CSMD3: variants seen among roughly 807,000 people sequenced by gnomAD.
CSMD3 encodes CUB and Sushi multiple domains 3, also known as CUB and sushi domain-containing protein 3.
A neutral mutation model predicts 435.2 loss-of-function variants in CSMD3; 177 were observed. The ratio of observed to expected loss-of-function variants is 0.41; its 90% CI spans 0.36 to 0.46. The LOEUF (loss-of-function observed/expected upper bound fraction) is 0.46, where lower values mean the gene tolerates loss of function less well. CSMD3 is among the 20% of genes least tolerant of loss of function. CSMD3 has a pLI of 0.34. For missense variants in CSMD3, 4,265 were observed against 4,504.6 expected (o/e 0.95, Z 1.52); for synonymous variants, 1,656 against 1,520.5 (o/e 1.09, Z -2.07).
chr8:112,946,391 T>C (rs1367575128), intron 9 of CSMD3, among the ~76,000 whole-genome samples: 1 of 151,696 alleles, frequency 6.6e-6, no homozygotes, highest in Non-Finnish European at 1.5e-5. Flanking sequence ...ATGAAATTTG[T>C]TTGACTTTAA....
At position 112,241,575 on chromosome 8, in the gene CSMD3, C is replaced by T. The variant is rs190956984; in HGVS notation, c.10468+145G>A. On this transcript the variant is annotated intron_variant, in intron 66 of 70. Coordinates refer to ENST00000297405, the MANE Select transcript of CSMD3 (RefSeq NM_198123.2). The stretch of plus-strand genomic sequence containing the variant: ...TCACTGTATTACATTGCTTTAAATT[C>T]AACATCTTGTGAATTATCAAATTCA... 5 of 644,944 alleles carry T rather than the reference C, an allele frequency of 7.8e-6. No homozygotes were observed. In the East Asian group the frequency reaches 1.1e-4, roughly 14 times the overall value. The allele number at this position is 644,944 out of a possible 1,614,324, so 40.0% of individuals were successfully genotyped here.
intron 23 of CSMD3, among the ~76,000 whole-genome samples, chr8:112,577,742 T>C (rs1426822336): frequency 6.6e-6 from 1 of 152,078 alleles, no homozygotes; most frequent in Non-Finnish European, 1.5e-5. Context: ...AAATTAGTTA[T>C]GGTGTACAGA....
intron 66 of CSMD3, among the ~76,000 whole-genome samples, chr8:112,240,709 T>C (rs1258397012): frequency 1.3e-5 from 2 of 152,112 alleles, no homozygotes; most frequent in African/African-American, 4.8e-5. Context: ...ATGGTTTGGC[T>C]CTGTGTCCCC....
chr8:113,115,846 A>C (rs2090808916), intron 4 of CSMD3, among the ~76,000 whole-genome samples: 1 of 152,192 alleles, frequency 6.6e-6, no homozygotes, highest in Admixed American at 6.6e-5. Context: ...ATTGCTTAGG[A>C]CAGGGGGCCC....
chr8:112,835,488 CA>C (rs2079997245), intron 11 of CSMD3, among the ~76,000 whole-genome samples: 1 of 151,818 alleles, frequency 6.6e-6, no homozygotes, highest in Admixed American at 6.6e-5. Context: ...GGCTGCCCAG[CA>C]CCTGAATATC....
At chr8:112,376,761 C>T (rs1338721140) in intron 38 of CSMD3, among the ~76,000 whole-genome samples, 3 of 152,202 alleles carry the variant, frequency 2.0e-5, no homozygotes, top group African/African-American at 7.2e-5. Flanking sequence ...GGTGCTATGT[C>T]CATTTATTCA....
chr8:113,008,900 T>C (rs1275810267), intron 6 of CSMD3, among the ~76,000 whole-genome samples: 3 of 151,354 alleles, frequency 2.0e-5, no homozygotes, highest in Admixed American at 6.6e-5. Flanking sequence ...AAAAAATCAA[T>C]GTTCAATATG....
chr8:112,677,114 G>A (rs977107550), intron 16 of CSMD3, among the ~76,000 whole-genome samples: 3 of 152,048 alleles, frequency 2.0e-5, no homozygotes, highest in Non-Finnish European at 4.4e-5. Context: ...TGGGTGCAGA[G>A]TACAGTGGAG....
At chr8:112,946,807 C>T (rs2083624555) in intron 9 of CSMD3, among the ~76,000 whole-genome samples, 2 of 151,670 alleles carry the variant, frequency 1.3e-5, no homozygotes, top group East Asian at 1.9e-4. Context: ...TAGAAAATTA[C>T]AATTGTGTTT....
rs991368925 is a variant in CSMD3, at chr8:112,525,798, A to G, written c.4565-8573T>C. 5.6e-3 allele frequency among the ~76,000 whole-genome samples: 736 copies of G among 131,640 alleles called. 4 individuals are homozygous for G. Among genetic ancestry groups the G allele is most frequent in the African/African-American group, 0.019 (667 of 34,792 alleles). The allele number at this position is 131,640 out of a possible 152,430, so 86.4% of individuals were successfully genotyped here. On this transcript the variant is annotated intron_variant, in intron 27 of 70. Transcript: ENST00000297405. ...TATATGTGTGTGTATATATATATGTATATATATATATACACACACATATAA... is the reference window on the plus strand; with the variant it reads ...TATATGTGTGTGTATATATATATGTGTATATATATATACACACACATATAA...
chr8:112,710,498 CA>C (rs2076587746), intron 13 of CSMD3, among the ~76,000 whole-genome samples: 1 of 152,016 alleles, frequency 6.6e-6, no homozygotes, highest in South Asian at 2.1e-4. Flanking sequence ...TTTTTAATCA[CA>C]TTAACCCAAC....
intron 9 of CSMD3, among the ~76,000 whole-genome samples, chr8:112,947,064 A>G (rs2083634903): frequency 1.3e-5 from 2 of 151,718 alleles, no homozygotes. Flanking sequence ...AAAATTTACC[A>G]TGGACACTGT....
intron 5 of CSMD3, among the ~76,000 whole-genome samples, chr8:113,093,374 G>T (rs1447879417): frequency 6.6e-6 from 1 of 152,046 alleles, no homozygotes; most frequent in Non-Finnish European, 1.5e-5. Context: ...TAGTCAGTGA[G>T]TAATAGAAAA....
At chr8:112,335,180 T>C in intron 45 of CSMD3, 149 bp downstream of exon 45, 1 of 758,338 alleles carries the variant, frequency 1.3e-6, no homozygotes, top group South Asian at 1.6e-5. Context: ...TGCAAGGAAA[T>C]GTGTTTGAAA....
At chr8:113,349,135 G>A (rs888856952) in intron 1 of CSMD3, among the ~76,000 whole-genome samples, 1 of 152,038 alleles carries the variant, frequency 6.6e-6, no homozygotes, top group Non-Finnish European at 1.5e-5. Flanking sequence ...CTGTGGTGGA[G>A]AGAATTCCTT....
chr8:112,376,142 A>G (rs933996518), intron 38 of CSMD3, among the ~76,000 whole-genome samples: 2 of 152,116 alleles, frequency 1.3e-5, no homozygotes, highest in Non-Finnish European at 2.9e-5. Flanking sequence ...CTGATTATTT[A>G]TTGCTTTTGG....
At chr8:112,893,456 GA>G (rs1176446769) in intron 10 of CSMD3, among the ~76,000 whole-genome samples, 2 of 151,432 alleles carry the variant, frequency 1.3e-5, no homozygotes, top group African/African-American at 4.8e-5. Context: ...ATGGGAACAG[GA>G]TATCAGTATT....
intron 59 of CSMD3, among the ~76,000 whole-genome samples, chr8:112,279,254 A>G (rs555951104): frequency 6.5e-4 from 99 of 152,310 alleles, no homozygotes; most frequent in African/African-American, 2.1e-3. Flanking sequence ...TGTGGTCTTC[A>G]TAGATACTGG....
chr8:113,181,464 G>C (rs959709236), intron 3 of CSMD3, among the ~76,000 whole-genome samples: 2 of 151,954 alleles, frequency 1.3e-5, no homozygotes, highest in African/African-American at 4.8e-5. Context: ...AAAATACTTT[G>C]CACCATATAC....
Sources: gnomAD v4.1 joint callset for allele counts (sites outside exome capture counted in the v4.1 genomes callset) on GRCh38, gnomAD v4.1.1 for gene constraint, MANE v1.5 for transcripts, NCBI Gene and HGNC (gene_info 2026-07-23, HGNC 2026-07-21) for gene names.